GLDN: variants seen among roughly 807,000 people sequenced by gnomAD.
GLDN encodes the protein collomin.
A neutral mutation model predicts 56.5 loss-of-function variants in GLDN; 47 were observed. The observed-to-expected ratio is 0.83, with a 90% CI of 0.66 to 1.06. The LOEUF (loss-of-function observed/expected upper bound fraction) is 1.06, where lower values mean the gene tolerates loss of function less well. GLDN is among the 50% of genes least tolerant of loss of function. The probability of loss-of-function intolerance (pLI) is 0.00; values close to 1 mark genes in which losing one functional copy is unlikely to be tolerated. For missense variants in GLDN, 782 were observed against 714.3 expected (o/e 1.09, Z -1.08); for synonymous variants, 332 against 278.8 (o/e 1.19, Z -1.90).
Position 51,372,876 on chromosome 15 carries a change from G to C in GLDN, c.364-4573G>C, listed in dbSNP as rs139905921. On this transcript the variant is annotated intron_variant, in intron 1 of 9. Transcript: ENST00000335449. Reference sequence around the variant, plus strand: ...AAATTTATTTCTCATAATTCTGGAGGCTGGGAAGTCCAAGATTGAGGTACC... The same window carrying C: ...AAATTTATTTCTCATAATTCTGGAGCCTGGGAAGTCCAAGATTGAGGTACC... Among the ~76,000 whole-genome samples the C allele has an allele frequency of 4.1e-3, 631 of 152,242 alleles. 7 individuals carry two copies. Among genetic ancestry groups the C allele is most frequent in the African/African-American group, 0.014 (578 of 41,542 alleles).
chr15:51,342,787 C>G (rs2036910140), intron 1 of GLDN, among the ~76,000 whole-genome samples: 1 of 152,196 alleles, frequency 6.6e-6, no homozygotes, highest in Non-Finnish European at 1.5e-5. Flanking sequence ...CAGAAATTGC[C>G]AAGTGTGTGT....
At chr15:51,360,996 G>A (rs12148492) in intron 1 of GLDN, among the ~76,000 whole-genome samples, 1 of 152,124 alleles carries the variant, frequency 6.6e-6, no homozygotes, top group Admixed American at 6.5e-5. Flanking sequence ...GGTTAACTAT[G>A]ATTTCTGACT....
At chr15:51,384,725 C>T (rs1005274269) in intron 4 of GLDN, 1 of 152,404 alleles carries the variant, frequency 6.6e-6, no homozygotes, top group Non-Finnish European at 1.5e-5. Context: ...TAAGAAACTA[C>T]TCAGGAGGCT....
intron 1 of GLDN, among the ~76,000 whole-genome samples, chr15:51,375,519 G>A (rs1017452258): frequency 2.8e-4 from 42 of 152,344 alleles, no homozygotes; most frequent in African/African-American, 1.0e-3. Flanking sequence ...TATGAATTTA[G>A]CACAGTCAGA....
At chr15:51,377,175 A>G (rs1176740101) in intron 1 of GLDN, 2 of 484,882 alleles carry the variant, frequency 4.1e-6, no homozygotes, top group Non-Finnish European at 7.3e-6. Context: ...ATCACCACAA[A>G]CACGAAGTCA....
intron 1 of GLDN, chr15:51,377,153 G>T: frequency 2.2e-6 from 1 of 445,548 alleles, no homozygotes; most frequent in East Asian, 3.8e-5. Context: ...TGGTAGGTTT[G>T]TTTATACCAG....
intron 4 of GLDN, among the ~76,000 whole-genome samples, chr15:51,387,125 C>T (rs1389098668): frequency 6.6e-6 from 1 of 152,046 alleles, no homozygotes; most frequent in Non-Finnish European, 1.5e-5. Flanking sequence ...CCCTGAGAAG[C>T]TCCAACCTCA....
chr15:51,404,570 G>A lies in GLDN; in HGVS notation c.1472G>A (p.Arg491Lys). The change falls in exon 10 of 10, where the codon AGG becomes AAG. Residue 491 changes from arginine to lysine, a missense_variant. By Grantham distance (26) the Arg-to-Lys change is conservative (BLOSUM62 2). Coordinates refer to ENST00000335449, the MANE Select transcript of GLDN (RefSeq NM_181789.4). Reference sequence around the variant, plus strand: ...TATGTCACAGACACCAAAGATATGAGGGTCACATTTGCCTTTGATTTGTTA... The same window carrying A: ...TATGTCACAGACACCAAAGATATGAAGGTCACATTTGCCTTTGATTTGTTA... ...ILYVTDTKDM[R>K]VTFAFDLLGG... is the part of the protein sequence containing the mutation. 6.2e-7 allele frequency: 1 copy of A among 1,614,110 alleles called. No homozygotes were observed. The highest frequency in any genetic ancestry group is 8.5e-7 in the Non-Finnish European group (1 of 1,180,018).
At chr15:51,368,242 A>T (rs953065155) in intron 1 of GLDN, among the ~76,000 whole-genome samples, 16 of 152,156 alleles carry the variant, frequency 1.1e-4, no homozygotes, top group African/African-American at 3.6e-4. Flanking sequence ...TGAATGTGGC[A>T]AACAGAAAAA....
rs76654131 is a variant in GLDN, at chr15:51,372,814, A to G, written c.364-4635A>G. 0.011 allele frequency among the ~76,000 whole-genome samples: 1,708 copies of G among 152,278 alleles called. 54 individuals are homozygous for G. The East Asian group carries it at 0.13, about 12-fold the overall frequency. ...CCTTAGTCTCTTTTGTGCTGCTATA[A>G]TGGAAAACCACAGATAGGGTAATTT... On this transcript the variant is annotated intron_variant, in intron 1 of 9. Coordinates refer to ENST00000335449, the MANE Select transcript of GLDN (RefSeq NM_181789.4).
chr15:51,408,323 C>T (rs887551255), downstream of GLDN, among the ~76,000 whole-genome samples: 2 of 152,172 alleles, frequency 1.3e-5, no homozygotes, highest in Admixed American at 1.3e-4. Flanking sequence ...ATTGAAAGAA[C>T]AAAAATTTAA....
chr15:51,350,740 T>G (rs1008593336), intron 1 of GLDN, among the ~76,000 whole-genome samples: 1 of 152,122 alleles, frequency 6.6e-6, no homozygotes, highest in South Asian at 2.1e-4. Flanking sequence ...TACACACAAA[T>G]AAAGCATTCC....
intron 2 of GLDN, among the ~76,000 whole-genome samples, chr15:51,382,903 T>C (rs2037798145): frequency 6.6e-6 from 1 of 152,180 alleles, no homozygotes; most frequent in South Asian, 2.1e-4. Flanking sequence ...AAGGAAGGTA[T>C]TTGTTACCTG....
chr15:51,377,573 C>A (rs575855399), intron 2 of GLDN, 73 bp downstream of exon 2: 11 of 1,068,598 alleles, frequency 1.0e-5, no homozygotes, highest in South Asian at 2.8e-5. Context: ...GCAGAATGAA[C>A]GCCTAGGGAC....
intron 1 of GLDN, among the ~76,000 whole-genome samples, chr15:51,372,435 A>G (rs1482910800): frequency 6.6e-6 from 1 of 151,994 alleles, no homozygotes; most frequent in Admixed American, 6.5e-5. Context: ...GATGGGCCCC[A>G]TTGTTTCTTC....
intron 9 of GLDN, among the ~76,000 whole-genome samples, chr15:51,403,740 A>T (rs972938726): frequency 2.6e-5 from 4 of 152,170 alleles, no homozygotes; most frequent in Non-Finnish European, 5.9e-5. Flanking sequence ...CTCTTTTTTT[A>T]AAATTTCAGC....
chr15:51,371,971 C>T (rs769482692), intron 1 of GLDN, among the ~76,000 whole-genome samples: 14 of 152,150 alleles, frequency 9.2e-5, no homozygotes, highest in South Asian at 4.1e-4. Context: ...AGGCATGAGC[C>T]GCCGCGCCTG....
intron 9 of GLDN, among the ~76,000 whole-genome samples, chr15:51,403,266 C>A (rs2470191): frequency 2.0e-5 from 3 of 152,254 alleles, no homozygotes; most frequent in African/African-American, 4.8e-5. Context: ...CAGGACTAGA[C>A]GGGGCCAAAT....
At chr15:51,397,859 C>T (rs2038168899) in intron 6 of GLDN, among the ~76,000 whole-genome samples, 1 of 152,188 alleles carries the variant, frequency 6.6e-6, no homozygotes, top group East Asian at 1.9e-4. Flanking sequence ...GACCAGTCCT[C>T]CTCCTTGCTC....
Sources: gnomAD v4.1 joint callset for allele counts (sites outside exome capture counted in the v4.1 genomes callset) on GRCh38, gnomAD v4.1.1 for gene constraint, MANE v1.5 for transcripts, NCBI Gene and HGNC (gene_info 2026-07-23, HGNC 2026-07-21) for gene names.